Variants in MAN1A2 observed in about 807,000 individuals in gnomAD.
MAN1A2 encodes the protein mannosyl-oligosaccharide 1,2-alpha-mannosidase IB.
Under a neutral mutation model 75.7 loss-of-function variants are expected in MAN1A2, and 26 were observed. The observed-to-expected ratio is 0.34, with a 90% CI of 0.25 to 0.48. MAN1A2 has a LOEUF of 0.48. Ranked by LOEUF, MAN1A2 falls within the 20% of genes least tolerant of loss-of-function variation. The pLI is 0.99. For synonymous variants in MAN1A2, 247 were observed against 264.6 expected (o/e 0.93, Z 0.65); for missense variants, 562 against 775.5 (o/e 0.72, Z 3.27).
chr1:117,406,464 ACAGCAATTTTCTT>A (rs756865574), intron 3 of MAN1A2, among the ~76,000 whole-genome samples: 34 of 152,310 alleles, frequency 2.2e-4, no homozygotes, highest in Non-Finnish European at 3.5e-4. Flanking sequence ...AATTCAAATA[ACAGCAATTTTCTT>A]TTTGACACTA....
chr1:117,504,480 A>T (rs1315857793), intron 12 of MAN1A2, among the ~76,000 whole-genome samples: 3 of 150,982 alleles, frequency 2.0e-5, no homozygotes, highest in African/African-American at 4.8e-5. Flanking sequence ...GGACAAGTTG[A>T]TGGTGACCAG....
In MAN1A2 at chr1:117,526,593, G is replaced by T. The variant is rs531295028; in HGVS notation, c.*3636G>T. 6 of 151,102 alleles carry T rather than the reference G, an allele frequency of 4.0e-5. No individual in the cohort carries two copies. Among genetic ancestry groups the T allele is most frequent in the Non-Finnish European group, 8.9e-5 (6 of 67,524 alleles). The allele number at this position is 151,102 out of a possible 1,614,324, so 9.4% of individuals were successfully genotyped here. A position where few individuals can be genotyped will look rare whatever the true frequency, so the allele number is the denominator to read the frequency against. On this transcript the variant is annotated 3_prime_UTR_variant, in exon 13 of 13. Coordinates refer to ENST00000356554, the MANE Select transcript of MAN1A2 (RefSeq NM_006699.5). ...ATCACTTTAATTGCATAATTAAAAAGCAGTGTTTTATAGAAATGCTGGTTA... is the reference window on the plus strand; with the variant it reads ...ATCACTTTAATTGCATAATTAAAAATCAGTGTTTTATAGAAATGCTGGTTA...
chr1:117,470,298 C>T (rs982932060), intron 8 of MAN1A2, among the ~76,000 whole-genome samples: 17 of 151,920 alleles, frequency 1.1e-4, no homozygotes, highest in African/African-American at 4.1e-4. Flanking sequence ...TTAGAGTTGA[C>T]CAGAGGCTTT....
chr1:117,390,232 A>G (rs1653671970), intron 1 of MAN1A2, among the ~76,000 whole-genome samples: 1 of 152,168 alleles, frequency 6.6e-6, no homozygotes, highest in Non-Finnish European at 1.5e-5. Flanking sequence ...TAAATGCTTG[A>G]TAGAATTCGT....
intron 4 of MAN1A2, among the ~76,000 whole-genome samples, chr1:117,416,676 A>G (rs1445448982): frequency 1.3e-5 from 2 of 152,170 alleles, no homozygotes; most frequent in Non-Finnish European, 2.9e-5. Context: ...CACCAGAAGT[A>G]TTAACTCTAG....
chr1:117,445,952 TTATA>T lies in MAN1A2; in HGVS notation c.950+3633_950+3636del, dbSNP rs1170834961. On this transcript the variant is annotated intron_variant, in intron 6 of 12. Transcript: ENST00000356554. ...TATAAAAGAAAATTTATATATAAATTTATATATATTTATATATGATATATAAACA... is the reference window on the plus strand; with the variant it reads ...TATAAAAGAAAATTTATATATAAATTTATATTTATATATGATATATAAACA... Among the ~76,000 whole-genome samples the T allele has an allele frequency of 3.4e-5, 5 of 146,700 alleles. No homozygotes were observed. In the South Asian group the frequency reaches 6.3e-4, roughly 19 times the overall value.
intron 8 of MAN1A2, among the ~76,000 whole-genome samples, chr1:117,469,524 G>A (rs957448635): frequency 6.6e-6 from 1 of 151,296 alleles, no homozygotes; most frequent in African/African-American, 2.4e-5. Context: ...AAAGAAAGAC[G>A]ACCCACAGAA....
intron 12 of MAN1A2, among the ~76,000 whole-genome samples, chr1:117,520,212 C>CATA (rs764408727): frequency 9.2e-5 from 14 of 152,028 alleles, no homozygotes; most frequent in Non-Finnish European, 1.9e-4. Context: ...CCACAGCAAA[C>CATA]ATAATAGTGA....
At chr1:117,374,353 A>G (rs559857292) in intron 1 of MAN1A2, among the ~76,000 whole-genome samples, 50 of 152,336 alleles carry the variant, frequency 3.3e-4, no homozygotes, top group African/African-American at 1.2e-3. Context: ...TAGGAAAATC[A>G]TATTGCTACT....
At chr1:117,415,039 T>A (rs1421630617) in intron 4 of MAN1A2, among the ~76,000 whole-genome samples, 1 of 151,862 alleles carries the variant, frequency 6.6e-6, no homozygotes, top group African/African-American at 2.4e-5. Context: ...ATATATATAT[T>A]TTAAAGTTGA....
intron 8 of MAN1A2, among the ~76,000 whole-genome samples, chr1:117,471,235 T>C (rs1265773193): frequency 2.6e-5 from 4 of 151,904 alleles, no homozygotes; most frequent in Non-Finnish European, 2.9e-5. Context: ...CTTAATAATT[T>C]AGATAATTTA....
At chr1:117,448,376 T>A (rs1182663682) in intron 6 of MAN1A2, among the ~76,000 whole-genome samples, 1 of 152,202 alleles carries the variant, frequency 6.6e-6, no homozygotes, top group East Asian at 1.9e-4. Flanking sequence ...TAGCTCATTA[T>A]TCTGTAGCCC....
At chr1:117,501,008 C>T (rs147539701) in intron 11 of MAN1A2, among the ~76,000 whole-genome samples, 1 of 151,858 alleles carries the variant, frequency 6.6e-6, no homozygotes, top group East Asian at 1.9e-4. Context: ...GTCTGAATCA[C>T]GTGAGGAGTG....
At chr1:117,475,930 G>A (rs1221129601) in intron 8 of MAN1A2, among the ~76,000 whole-genome samples, 1 of 152,098 alleles carries the variant, frequency 6.6e-6, no homozygotes, top group Non-Finnish European at 1.5e-5. Context: ...GATCCTTGAG[G>A]AATCACCACA....
intron 12 of MAN1A2, among the ~76,000 whole-genome samples, chr1:117,513,065 C>A (rs1934247): frequency 4.0e-5 from 6 of 151,768 alleles, no homozygotes; most frequent in Non-Finnish European, 5.9e-5. Flanking sequence ...TAAACATCAG[C>A]CTTACTTGAT....
Position 117,496,846 on chromosome 1 carries a change from G to A in MAN1A2, c.1368G>A (p.Lys456=). 6.2e-7 allele frequency: 1 copy of A among 1,612,756 alleles called. No homozygotes were observed. Among genetic ancestry groups the A allele is most frequent in the South Asian group, 1.1e-5 (1 of 91,026 alleles). The change falls in exon 10 of 13, where the codon AAG becomes AAA. Residue 456 remains lysine, a synonymous_variant. Coordinates refer to ENST00000356554, the MANE Select transcript of MAN1A2 (RefSeq NM_006699.5). ...GGAAGAATGGGCACTTGGAAAAAAA[G>A]ATGGGGCATTTGGCCTGCTTTGCTG... The part of the protein sequence containing the change: ...GEWKNGHLEK[K]MGHLACFAGG...
At chr1:117,414,930 A>G (rs966774773) in intron 4 of MAN1A2, 99 bp downstream of exon 4, 9 of 725,192 alleles carry the variant, frequency 1.2e-5, no homozygotes, top group Middle Eastern at 2.5e-4. Flanking sequence ...TAAAATTCAT[A>G]TGTTGAAACC....
chr1:117,478,237 ATTATC>A (rs1650382447), intron 8 of MAN1A2, among the ~76,000 whole-genome samples: 1 of 151,942 alleles, frequency 6.6e-6, no homozygotes, highest in African/African-American at 2.4e-5. Flanking sequence ...TCTTTGATGA[ATTATC>A]TGATCAAATC....
intron 8 of MAN1A2, among the ~76,000 whole-genome samples, chr1:117,480,590 T>C (rs896751112): frequency 6.6e-6 from 1 of 151,918 alleles, no homozygotes; most frequent in African/African-American, 2.4e-5. Flanking sequence ...TCCTATTTAC[T>C]GGGCATTCTT....
Sources: allele counts gnomAD v4.1 joint callset (sites outside exome capture counted in the v4.1 genomes callset), GRCh38; gene constraint gnomAD v4.1.1; transcripts MANE v1.5; gene names NCBI Gene and HGNC (gene_info 2026-07-23, HGNC 2026-07-21).